The following PCDH11X variants were observed in gnomAD, a reference collection of about 807,000 sequenced individuals.
PCDH11X encodes protocadherin-11 X-linked.
A neutral mutation model predicts 53.3 loss-of-function variants in PCDH11X; 18 were observed. The ratio of observed to expected loss-of-function variants is 0.34; its 90% CI spans 0.23 to 0.50. PCDH11X has a LOEUF of 0.50. PCDH11X is among the 20% of genes least tolerant of loss of function. The pLI is 0.98. For missense variants in PCDH11X, 570 were observed against 1,032.4 expected (o/e 0.55, Z 6.14); for synonymous variants, 279 against 393.3 (o/e 0.71, Z 3.44).
intron 9 of PCDH11X, among the ~76,000 whole-genome samples, chrX:92,407,972 G>A (rs1350499220): frequency 6.4e-5 from 7 of 108,827 alleles, no homozygotes. Flanking sequence ...TGAAACCTCT[G>A]CCTCCGGGTT....
At chrX:91,871,306 A>G (rs894313666) in intron 5 of PCDH11X, among the ~76,000 whole-genome samples, 3 of 108,234 alleles carry the variant, frequency 2.8e-5, no homozygotes, top group Non-Finnish European at 5.8e-5. Context: ...AAGATGTATC[A>G]GTAATACTAA....
At chrX:92,357,102 A>T (rs2070228422) in intron 8 of PCDH11X, among the ~76,000 whole-genome samples, 1 of 88,115 alleles carries the variant, frequency 1.1e-5, no homozygotes, top group Non-Finnish European at 2.3e-5. Flanking sequence ...TTTCTGAATG[A>T]ATCACCCAAG....
chrX:92,497,556 T>TA (rs1569496263), intron 10 of PCDH11X, among the ~76,000 whole-genome samples: 1 of 110,640 alleles, frequency 9.0e-6, no homozygotes, highest in Non-Finnish European at 1.9e-5. Context: ...AATTAACTTT[T>TA]AAAGTACAGA....
intron 8 of PCDH11X, among the ~76,000 whole-genome samples, chrX:92,279,811 T>C (rs1464943068): frequency 8.9e-6 from 1 of 112,207 alleles, no homozygotes; most frequent in African/African-American, 3.2e-5. Flanking sequence ...TTCAACTTAA[T>C]TAACTGCAGA....
intron 7 of PCDH11X, among the ~76,000 whole-genome samples, chrX:92,216,516 A>C (rs1234188094): frequency 1.9e-5 from 2 of 107,211 alleles, no homozygotes; most frequent in Admixed American, 2.0e-4. Context: ...AGAATAAAAA[A>C]AAACGAACAA....
intron 3 of PCDH11X, among the ~76,000 whole-genome samples, chrX:91,810,781 G>C (rs948545122): frequency 1.8e-5 from 2 of 111,696 alleles, no homozygotes; most frequent in African/African-American, 6.5e-5. Context: ...CCTCAGTCAG[G>C]AAATAAATAC....
intron 8 of PCDH11X, among the ~76,000 whole-genome samples, chrX:92,357,096 T>G (rs895834962): frequency 5.1e-5 from 5 of 98,212 alleles, no homozygotes; most frequent in Non-Finnish European, 1.0e-4. Flanking sequence ...TTATTTTTTC[T>G]GAATGAATCA....
At chrX:92,103,170 C>T (rs2064298379) in intron 6 of PCDH11X, among the ~76,000 whole-genome samples, 1 of 110,233 alleles carries the variant, frequency 9.1e-6, no homozygotes, top group Non-Finnish European at 1.9e-5. Flanking sequence ...TGGCTGTAGT[C>T]CAGGAAGAGT....
intron 10 of PCDH11X, among the ~76,000 whole-genome samples, chrX:92,609,662 C>T (rs763634895): frequency 7.1e-4 from 78 of 110,137 alleles, no homozygotes; most frequent in African/African-American, 2.6e-3. Flanking sequence ...GGTACATGTG[C>T]AGATTTGTTA....
chrX:92,346,322 G>A (rs2069895322), intron 8 of PCDH11X, among the ~76,000 whole-genome samples: 2 of 111,089 alleles, frequency 1.8e-5, no homozygotes, highest in South Asian at 7.5e-4. Context: ...ATGGGGATTC[G>A]TGGGTAATTT....
intron 4 of PCDH11X, among the ~76,000 whole-genome samples, chrX:91,817,959 C>G (rs1408110741): frequency 2.7e-5 from 3 of 111,418 alleles, no homozygotes; most frequent in African/African-American, 9.8e-5. Context: ...CCAGTTTTAG[C>G]AAGTGTAAAA....
At chrX:92,345,907 T>C (rs1234163531) in intron 8 of PCDH11X, among the ~76,000 whole-genome samples, 1 of 108,918 alleles carries the variant, frequency 9.2e-6, no homozygotes, top group Non-Finnish European at 1.9e-5. Context: ...TTTTTTCTGA[T>C]AAAAGTACTA....
chrX:92,182,736 C>T (rs1331576782), intron 6 of PCDH11X, among the ~76,000 whole-genome samples: 7 of 111,748 alleles, frequency 6.3e-5, no homozygotes, highest in Non-Finnish European at 1.1e-4. Context: ...ACTTACTCCT[C>T]CTTGCTGTCC....
chrX:92,219,903 A>G (rs1450352190), intron 7 of PCDH11X, among the ~76,000 whole-genome samples: 1 of 37,900 alleles, frequency 2.6e-5, no homozygotes, highest in Non-Finnish European at 5.9e-5. Flanking sequence ...ACATATCTAC[A>G]ACTATCTGAT....
intron 10 of PCDH11X, among the ~76,000 whole-genome samples, chrX:92,472,872 C>G (rs777933959): frequency 9.1e-6 from 1 of 110,358 alleles, no homozygotes; most frequent in Admixed American, 9.7e-5. Flanking sequence ...GTATTTTATT[C>G]TTTTTGTGGC....
chrX:92,387,378 A>G (rs1404569767), intron 8 of PCDH11X, among the ~76,000 whole-genome samples: 1 of 112,405 alleles, frequency 8.9e-6, no homozygotes, highest in African/African-American at 3.2e-5. Context: ...TATTATTCAA[A>G]AAATAAGTTA....
intron 9 of PCDH11X, among the ~76,000 whole-genome samples, chrX:92,395,975 A>AT (rs2071236501): frequency 1.8e-5 from 2 of 109,872 alleles, no homozygotes; most frequent in South Asian, 7.9e-4. Flanking sequence ...CCCATTTTAA[A>AT]AATGCCCTGG....
chrX:92,430,971 A>G (rs765881079), intron 9 of PCDH11X, among the ~76,000 whole-genome samples: 1 of 107,919 alleles, frequency 9.3e-6, no homozygotes, highest in South Asian at 4.1e-4. Flanking sequence ...AGCTAAAGTG[A>G]ATTTCATTTT....
At chrX:92,574,001 A>G (rs1358267544) in intron 10 of PCDH11X, among the ~76,000 whole-genome samples, 2 of 109,396 alleles carry the variant, frequency 1.8e-5, no homozygotes, top group Non-Finnish European at 3.8e-5. Flanking sequence ...AGTATTTACA[A>G]TGCATAAATC....
Sources: gnomAD v4.1 joint callset for allele counts (sites outside exome capture counted in the v4.1 genomes callset) on GRCh38, gnomAD v4.1.1 for gene constraint, MANE v1.5 for transcripts, NCBI Gene and HGNC (gene_info 2026-07-23, HGNC 2026-07-21) for gene names.